Variants in LYST observed in about 807,000 individuals in gnomAD.
LYST encodes the protein lysosomal-trafficking regulator.
Under a neutral mutation model 413.6 loss-of-function variants are expected in LYST, and 192 were observed. That is an observed-to-expected ratio of 0.46 (90% CI 0.41 to 0.52). LYST has a LOEUF of 0.52. Among genes scored for constraint, LYST ranks in the 20% least tolerant of loss-of-function variants. The pLI is 0.00. For missense variants in LYST, 3,815 were observed against 4,499.9 expected, an observed-to-expected ratio of 0.85 and a Z score of 4.35; for synonymous variants, 1,525 against 1,567.3, an observed-to-expected ratio of 0.97 and a Z score of 0.64.
chr1:235,844,884 T>C (rs1303893902), intron 1 of LYST, among the ~76,000 whole-genome samples: 4 of 152,166 alleles, frequency 2.6e-5, no homozygotes, highest in Non-Finnish European at 5.9e-5. Flanking sequence ...TCTGTTAATC[T>C]AAGCTTTACT....
chr1:235,816,128 CAAAAAAAAAAA>C (rs59556548), intron 3 of LYST, among the ~76,000 whole-genome samples: 45 of 11,792 alleles, frequency 3.8e-3, no homozygotes, highest in South Asian at 0.012. Flanking sequence ...GACTCCATCT[CAAAAAAAAAAA>C]AAAAAAAAAA....
intron 4 of LYST, among the ~76,000 whole-genome samples, chr1:235,812,746 T>G (rs1457837197): frequency 6.6e-6 from 1 of 152,178 alleles, no homozygotes; most frequent in Non-Finnish European, 1.5e-5. Flanking sequence ...CTTTATACAT[T>G]TTCTAATCAT....
At chr1:235,821,957 G>C in intron 3 of LYST, among the ~76,000 whole-genome samples, 1 of 152,152 alleles carries the variant, frequency 6.6e-6, no homozygotes, top group East Asian at 1.9e-4. Context: ...GAATCTTCAG[G>C]GGATTGTTCT....
At chr1:235,850,786 A>G (rs1458178314) in intron 1 of LYST, among the ~76,000 whole-genome samples, 1 of 152,180 alleles carries the variant, frequency 6.6e-6, no homozygotes, top group Non-Finnish European at 1.5e-5. Context: ...GCTCAACATC[A>G]CTAATGATCA....
intron 17 of LYST, among the ~76,000 whole-genome samples, chr1:235,776,220 G>A (rs1339562231): frequency 6.6e-6 from 1 of 151,898 alleles, no homozygotes; most frequent in African/African-American, 2.4e-5. Flanking sequence ...AAAAGGAAGA[G>A]GTGGAGAAGA....
intron 20 of LYST, 74 bp downstream of exon 20, chr1:235,770,086 A>C: frequency 6.9e-7 from 1 of 1,458,176 alleles, no homozygotes; most frequent in Non-Finnish European, 9.5e-7. Context: ...AAAGTGCCAC[A>C]AAAATTTGAT....
chr1:235,739,608 G>GA (rs755998933), intron 31 of LYST, among the ~76,000 whole-genome samples: 54 of 96,348 alleles, frequency 5.6e-4, no homozygotes, highest in East Asian at 1.7e-3. Flanking sequence ...CTTGAACAGT[G>GA]AAAAAAAAAA....
chr1:235,806,323 C>T lies in LYST; in HGVS notation c.2813G>A (p.Ser938Asn). ...GYDSTASEPL[S>N]HMLPCISLES... ...GAGAGATATACATGGCAGCATATGA[C>T]TTAAAGGCTCGCTGGCTGTGCTGTC... The change falls in exon 6 of 53, where the codon AGT becomes AAT. Residue 938 changes from serine to asparagine, a missense_variant. By Grantham distance (46) the Ser-to-Asn change is conservative. This residue lies in a region of LYST where 1,648 missense variants were observed against 1,810.3 expected (regional missense o/e 0.91). Coordinates refer to ENST00000389793, the MANE Select transcript of LYST (RefSeq NM_000081.4). 1 of 1,614,034 alleles carries T rather than the reference C, an allele frequency of 6.2e-7. No homozygotes were observed. The highest frequency in any genetic ancestry group is 8.5e-7 in the Non-Finnish European group (1 of 1,179,996).
chr1:235,713,240 G>T (rs1662548610), intron 42 of LYST: 1 of 960,114 alleles, frequency 1.0e-6, no homozygotes, highest in Non-Finnish European at 1.2e-6. Context: ...GCCACTTAAA[G>T]AAATACCTAC....
rs1462663081 is a variant in LYST at position 235,720,751 on chromosome 1, A to G, written c.9470T>C (p.Phe3157Ser). 1 of 1,614,100 alleles carries G rather than the reference A, an allele frequency of 6.2e-7. No individual in the cohort carries two copies. Among genetic ancestry groups the G allele is most frequent in the Non-Finnish European group, 8.5e-7 (1 of 1,179,956 alleles). Reference sequence around the variant, plus strand: ...CACAGGATACTGCATGAGATCATTGAAGGATCGGCCAGCATGTTTGTTTAA... The same window carrying G: ...CACAGGATACTGCATGAGATCATTGGAGGATCGGCCAGCATGTTTGTTTAA... ...THLNKHAGRS[F>S]NDLMQYPVFP... Residue 3157 changes from phenylalanine to serine, a missense_variant, in exon 40 of 53, where the codon TTC becomes TCC. Physicochemically the swap from Phe to Ser is radical, Grantham distance 155. Transcript: ENST00000389793.
intron 14 of LYST, among the ~76,000 whole-genome samples, chr1:235,783,104 A>T (rs1052998905): frequency 1.3e-5 from 2 of 152,152 alleles, no homozygotes; most frequent in Non-Finnish European, 1.5e-5. Context: ...ATTTTAAGAT[A>T]ATGAGAGTAA....
intron 1 of LYST, among the ~76,000 whole-genome samples, chr1:235,866,561 T>C (rs1441136552): frequency 6.6e-6 from 1 of 152,162 alleles, no homozygotes; most frequent in South Asian, 2.1e-4. Flanking sequence ...GCCGCTGCAA[T>C]GGCCCAGAGG....
chr1:235,858,712 C>T, intron 1 of LYST, among the ~76,000 whole-genome samples: 1 of 152,188 alleles, frequency 6.6e-6, no homozygotes, highest in East Asian at 1.9e-4. Context: ...TCCTTGACTT[C>T]CCACTACCCC....
intron 2 of LYST, 30 bp from the exon 3 acceptor site, chr1:235,830,454 ATT>A: frequency 6.8e-7 from 1 of 1,461,992 alleles, no homozygotes; most frequent in Non-Finnish European, 9.4e-7. Context: ...AAAAAAAAAG[ATT>A]AGGAAAACAA....
At chr1:235,805,206 G>A (rs2102854784) in intron 6 of LYST, among the ~76,000 whole-genome samples, 1 of 152,300 alleles carries the variant, frequency 6.6e-6, no homozygotes, top group African/African-American at 2.4e-5. Flanking sequence ...AAGCAGAAGA[G>A]GTTAGGAGAA....
At chr1:235,855,825 A>T (rs6687572) in intron 1 of LYST, among the ~76,000 whole-genome samples, 1 of 152,022 alleles carries the variant, frequency 6.6e-6, no homozygotes, top group Admixed American at 6.5e-5. Context: ...CTCTTATTTC[A>T]TAATTCTTAA....
In LYST at chr1:235,662,265, A is replaced by G. The variant is rs1658102347; in HGVS notation, c.*675T>C. The G allele has an allele frequency of 6.5e-6, 1 of 152,868 alleles. No homozygotes were observed. Among genetic ancestry groups the G allele is most frequent in the Non-Finnish European group, 1.5e-5 (1 of 68,546 alleles). The allele number at this position is 152,868 out of a possible 1,614,324, so 9.5% of individuals were successfully genotyped here. A position where few individuals can be genotyped will look rare whatever the true frequency, so the allele number is the denominator to read the frequency against. On this transcript the variant is annotated 3_prime_UTR_variant, in exon 53 of 53. Transcript: ENST00000389793. ...AGAAACAGAATGTGTCTGAAATCCA[A>G]GATACCTGTATTCTTGTTTGTGGCT...
Position 235,866,906 on chromosome 1 carries a change from C to G in LYST, c.-161G>C, listed in dbSNP as rs1034987702. 6.5e-6 allele frequency: 1 copy of G among 154,356 alleles called. No homozygotes were observed. The highest frequency in any genetic ancestry group is 1.4e-5 in the Non-Finnish European group (1 of 69,378). 9.6% of individuals were successfully genotyped at this position (154,356 alleles called of 1,614,324 possible). ...CTCCCGGAGAACCCCGAGCCGACGC[C>G]GCTGCCGCCGCCGCCGCGCACTCCC... On this transcript the variant is annotated 5_prime_UTR_variant, in exon 1 of 53. Transcript: ENST00000389793.
intron 50 of LYST, among the ~76,000 whole-genome samples, chr1:235,672,692 C>T (rs1487248249): frequency 6.6e-6 from 1 of 152,090 alleles, no homozygotes; most frequent in Non-Finnish European, 1.5e-5. Flanking sequence ...CTTTTCTAAA[C>T]TTAATTAAAA....
Sources: gnomAD v4.1 joint callset for allele counts (sites outside exome capture counted in the v4.1 genomes callset) on GRCh38, gnomAD v4.1.1 for gene constraint, gnomAD v4.1.1 regional missense constraint, MANE v1.5 for transcripts, NCBI Gene and HGNC (gene_info 2026-07-23, HGNC 2026-07-21) for gene names.